RMDN2: variants seen among roughly 807,000 people sequenced by gnomAD.
RMDN2 encodes regulator of microtubule dynamics 2.
Under a neutral mutation model 52.8 loss-of-function variants are expected in RMDN2, and 61 were observed. That is an observed-to-expected ratio of 1.16 (90% CI 0.94 to 1.43). The LOEUF is 1.43. RMDN2 is among the 40% of genes most tolerant of loss of function. The pLI, the probability that RMDN2 is intolerant of heterozygous loss-of-function variation, is 0.00. For synonymous variants in RMDN2, 180 were observed against 153.1 expected, an observed-to-expected ratio of 1.18 and a Z score of -1.30; for missense variants, 592 against 475.3, an observed-to-expected ratio of 1.25 and a Z score of -2.28.
chr2:38,000,717 T>C (rs2125176549), intron 8 of RMDN2, among the ~76,000 whole-genome samples: 1 of 152,370 alleles, frequency 6.6e-6, no homozygotes, highest in South Asian at 2.1e-4. Context: ...TATATGGATA[T>C]ACCATAATTT....
At chr2:38,031,772 T>C (rs1283327282) in intron 10 of RMDN2, among the ~76,000 whole-genome samples, 1 of 152,208 alleles carries the variant, frequency 6.6e-6, no homozygotes, top group Non-Finnish European at 1.5e-5. Flanking sequence ...CTTCTCAGTT[T>C]CAAGGCTGAG....
chr2:37,928,967 C>T (rs1269597392), intron 1 of RMDN2: 1 of 186,654 alleles, frequency 5.4e-6, no homozygotes, highest in Non-Finnish European at 1.1e-5. Flanking sequence ...ATTTTTATCT[C>T]TATTATTGTC....
chr2:38,013,552 A>C (rs999662126), intron 10 of RMDN2, among the ~76,000 whole-genome samples: 1 of 152,226 alleles, frequency 6.6e-6, no homozygotes, highest in Non-Finnish European at 1.5e-5. Flanking sequence ...CTGTATTTCC[A>C]ACCTGTTTTA....
rs761289733 is a variant in RMDN2 at position 37,929,521 on chromosome 2, T to C, written c.244T>C (p.Leu82=). 4 of 1,551,772 alleles carry C rather than the reference T, an allele frequency of 2.6e-6. No homozygotes were observed. The highest frequency in any genetic ancestry group is 3.5e-6 in the Non-Finnish European group (4 of 1,146,940). The change falls in exon 2 of 11, where the codon TTA becomes CTA. Residue 82 remains leucine, a synonymous_variant. Coordinates refer to ENST00000354545, the MANE Select transcript of RMDN2 (RefSeq NM_001170791.3). The part of the protein sequence containing the change: ...QLQILEKLNE[L]LTNMEELKEE... Reference sequence around the variant, plus strand: ...TCAGATACTGGAGAAGTTAAACGAATTACTGACAAATATGGAAGAACTCAA... The same window carrying C: ...TCAGATACTGGAGAAGTTAAACGAACTACTGACAAATATGGAAGAACTCAA...
Position 37,989,563 on chromosome 2 carries a change from G to C in RMDN2, c.814G>C (p.Val272Leu), listed in dbSNP as rs1674481988. The C allele has an allele frequency of 1.9e-6, 3 of 1,610,934 alleles. No homozygotes were observed. In the African/African-American group the frequency reaches 4.0e-5, roughly 22 times the overall value. Residue 272 changes from valine (V) to leucine (L), a missense_variant, in exon 6 of 11, where the codon GTA becomes CTA. Val to Leu is a conservative substitution (Grantham distance 32). Coordinates refer to ENST00000354545, the MANE Select transcript of RMDN2 (RefSeq NM_001170791.3). ...HLWYAVLCGYVSEFEGLQNKI... is the reference protein window; with the variant it reads ...HLWYAVLCGYLSEFEGLQNKI... Reference sequence around the variant, plus strand: ...CAGGTATGCAGTTTTGTGTGGCTATGTATCTGAGTTTGAGGGTTTACAAAA... The same window carrying C: ...CAGGTATGCAGTTTTGTGTGGCTATCTATCTGAGTTTGAGGGTTTACAAAA...
intron 2 of RMDN2, among the ~76,000 whole-genome samples, chr2:37,932,638 G>T (rs1165857543): frequency 6.6e-6 from 1 of 151,542 alleles, no homozygotes; most frequent in East Asian, 2.0e-4. Context: ...AGTAGGGGCG[G>T]CCGGGCAGAG....
chr2:38,035,719 C>G (rs1250256424), intron 10 of RMDN2, among the ~76,000 whole-genome samples: 2 of 152,116 alleles, frequency 1.3e-5, no homozygotes, highest in African/African-American at 4.8e-5. Context: ...ATAGGATAGG[C>G]TATGAATTAT....
At chr2:38,018,899 C>G (rs952247259), downstream of RMDN2, among the ~76,000 whole-genome samples, 2 of 152,194 alleles carry the variant, frequency 1.3e-5, no homozygotes, top group Non-Finnish European at 2.9e-5. Flanking sequence ...CGCACACACG[C>G]ACACACACAT....
chr2:38,007,725 A>T (rs1677322299), intron 10 of RMDN2, among the ~76,000 whole-genome samples: 1 of 151,762 alleles, frequency 6.6e-6, no homozygotes, highest in African/African-American at 2.4e-5. Context: ...CTCTGATCTT[A>T]GTTATTTCTT....
intron 5 of RMDN2, among the ~76,000 whole-genome samples, chr2:37,986,770 C>T (rs938208594): frequency 8.6e-5 from 13 of 151,962 alleles, no homozygotes; most frequent in Admixed American, 7.9e-4. Context: ...AGCAAACTAG[C>T]AAACTCTCAG....
At chr2:38,020,638 AG>A (rs1168493724), downstream of RMDN2, among the ~76,000 whole-genome samples, 1 of 152,178 alleles carries the variant, frequency 6.6e-6, no homozygotes, top group Non-Finnish European at 1.5e-5. Flanking sequence ...CCAGGCAATG[AG>A]GGGCTTAGCA....
intron 10 of RMDN2, among the ~76,000 whole-genome samples, chr2:38,045,240 C>G (rs1331368150): frequency 6.6e-6 from 1 of 152,040 alleles, no homozygotes; most frequent in African/African-American, 2.4e-5. Context: ...ATATGCTTTT[C>G]TTTTTATTTA....
At position 37,988,603 on chromosome 2, in the gene RMDN2, T is replaced by TCTATGAATATC. The variant is rs771102450; in HGVS notation, c.792-938_792-937insCTATGAATATC. Among the ~76,000 whole-genome samples, 882 of 152,312 alleles carry TCTATGAATATC rather than the reference T, an allele frequency of 5.8e-3. 11 individuals carry two copies. The South Asian group carries it at 0.059, about 10-fold the overall frequency. On this transcript the variant is annotated intron_variant, in intron 5 of 10. Transcript: ENST00000354545. ...TTCACTGTTTTTTTGTACTTGGAAG[T>TCTATGAATATC]TATGGATATTCATAGAAATGGCTGA... is the stretch of plus-strand genomic sequence containing the variant.
intron 10 of RMDN2, among the ~76,000 whole-genome samples, chr2:38,057,351 A>G (rs1376366184): frequency 6.6e-6 from 1 of 152,260 alleles, no homozygotes; most frequent in African/African-American, 2.4e-5. Context: ...AACTTTATTT[A>G]TGGATACTGA....
intron 2 of RMDN2, among the ~76,000 whole-genome samples, chr2:37,970,826 C>T (rs980190497): frequency 4.6e-5 from 7 of 151,974 alleles, no homozygotes; most frequent in African/African-American, 1.2e-4. Context: ...TATTTGTTAC[C>T]ATAAAGCTCC....
intron 2 of RMDN2, among the ~76,000 whole-genome samples, chr2:37,935,039 GAC>G (rs1202848278): frequency 1.3e-5 from 2 of 152,086 alleles, no homozygotes; most frequent in African/African-American, 4.8e-5. Flanking sequence ...GTTGTATAGT[GAC>G]CATATGGGTC....
chr2:38,061,845 G>A (rs887540792), intron 10 of RMDN2, among the ~76,000 whole-genome samples: 3 of 152,018 alleles, frequency 2.0e-5, no homozygotes, highest in Non-Finnish European at 4.4e-5. Context: ...AAATTGCCTC[G>A]GCTGGGAGGT....
At chr2:37,954,705 G>A (rs1669238077) in intron 2 of RMDN2, among the ~76,000 whole-genome samples, 1 of 152,100 alleles carries the variant, frequency 6.6e-6, no homozygotes, top group Admixed American at 6.6e-5. Context: ...AATTCCAAAT[G>A]AATTTCAGGA....
intron 2 of RMDN2, among the ~76,000 whole-genome samples, chr2:37,956,659 T>C (rs1669505966): frequency 6.6e-6 from 1 of 152,126 alleles, no homozygotes; most frequent in South Asian, 2.1e-4. Flanking sequence ...TTTTCTTCTT[T>C]TTTATTTTTT....
Sources: gnomAD v4.1 joint callset for allele counts (sites outside exome capture counted in the v4.1 genomes callset) on GRCh38, gnomAD v4.1.1 for gene constraint, MANE v1.5 for transcripts, NCBI Gene and HGNC (gene_info 2026-07-23, HGNC 2026-07-21) for gene names.